JAKMIP3: variants seen among roughly 807,000 people sequenced by gnomAD.
JAKMIP3 encodes the protein Janus kinase and microtubule interacting protein 3.
A neutral mutation model predicts 118.5 loss-of-function variants in JAKMIP3; 58 were observed. The ratio of observed to expected loss-of-function variants is 0.49; its 90% CI spans 0.40 to 0.61. The LOEUF is 0.61. Ranked by LOEUF, JAKMIP3 falls within the 20% of genes least tolerant of loss-of-function variation. The pLI, the probability that JAKMIP3 is intolerant of heterozygous loss-of-function variation, is 0.00. For missense variants in JAKMIP3, 950 were observed against 1,109.0 expected, an observed-to-expected ratio of 0.86 and a Z score of 2.04; for synonymous variants, 486 against 451.2, an observed-to-expected ratio of 1.08 and a Z score of -0.98.
chr10:132,058,618 C>T (rs1303516166), intron 1 of JAKMIP3, among the ~76,000 whole-genome samples: 1 of 152,168 alleles, frequency 6.6e-6, no homozygotes, highest in East Asian at 1.9e-4. Context: ...GAAGATGCTT[C>T]TTAGTATTTT....
chr10:132,113,867 T>C (rs2047229942), intron 2 of JAKMIP3, among the ~76,000 whole-genome samples: 1 of 152,270 alleles, frequency 6.6e-6, no homozygotes, highest in Non-Finnish European at 1.5e-5. Context: ...GTTTCACTTT[T>C]ACAATAAATC....
chr10:132,097,918 C>CTT (rs1249279874), intron 1 of JAKMIP3, among the ~76,000 whole-genome samples: 1,623 of 24,168 alleles, frequency 0.067, 415 homozygotes, highest in East Asian at 0.16. Flanking sequence ...CTTCCCCTTC[C>CTT]CCTTTCCTTC....
At position 132,052,673 on chromosome 10, in the gene JAKMIP3, C is replaced by T. The variant is rs181180012; in HGVS notation, c.-138+15935C>T. 2.5e-4 allele frequency among the ~76,000 whole-genome samples: 38 copies of T among 152,324 alleles called. No homozygotes were observed. In the East Asian group the frequency reaches 3.5e-3, roughly 14 times the overall value. On this transcript the variant is annotated intron_variant, in intron 1 of 23. Coordinates refer to the JAKMIP3 transcript ENST00000657785. ...CTGTTGTCCAATCTGCCACCAAAAG[C>T]GTCCATTGTGCCTTTTGTTTTAATT...
chr10:132,141,949 G>A lies in JAKMIP3; in HGVS notation c.1503G>A (p.Arg501=), dbSNP rs1288255830. ...EGMAKEETEL[R]FRQLTMEYQA... ...TGGCCAAGGAGGAGACGGAGCTGAGGTTCCGGCAGCTGACCATGGAGTACC... is the reference window on the plus strand; with the variant it reads ...TGGCCAAGGAGGAGACGGAGCTGAGATTCCGGCAGCTGACCATGGAGTACC... The change falls in exon 11 of 24, where the codon AGG becomes AGA. Residue 501 remains arginine (R), a synonymous_variant. Transcript: ENST00000684848. 1 of 1,595,872 alleles carries A rather than the reference G, an allele frequency of 6.3e-7. No homozygotes were observed. Among genetic ancestry groups the A allele is most frequent in the East Asian group, 2.3e-5 (1 of 44,048 alleles).
chr10:132,107,630 C>G (rs534592831), intron 2 of JAKMIP3, among the ~76,000 whole-genome samples: 1 of 152,230 alleles, frequency 6.6e-6, no homozygotes, highest in African/African-American at 2.4e-5. Flanking sequence ...CCTCCTCAAG[C>G]GTAACTGACA....
At chr10:132,065,717 C>T (rs1229343376), upstream of JAKMIP3, among the ~76,000 whole-genome samples, 1 of 151,202 alleles carries the variant, frequency 6.6e-6, no homozygotes, top group Non-Finnish European at 1.5e-5. The surrounding 1 kb of genome is among the most constrained non-coding windows in gnomAD (Gnocchi z 5.6). Context: ...TGCAGAGCTG[C>T]GGGCCCCTTC....
chr10:132,113,786 A>G (rs967759820), intron 2 of JAKMIP3, among the ~76,000 whole-genome samples: 3 of 152,248 alleles, frequency 2.0e-5, no homozygotes, highest in African/African-American at 7.2e-5. Context: ...TGAAGTAAGC[A>G]GGGTATGACT....
intron 3 of JAKMIP3, among the ~76,000 whole-genome samples, chr10:132,125,612 T>C (rs528346289): frequency 1.3e-5 from 2 of 152,280 alleles, no homozygotes; most frequent in African/African-American, 4.8e-5. Context: ...TGAACCTTAA[T>C]GAACCTGGTG....
At chr10:132,059,605 C>T (rs551315599) in intron 1 of JAKMIP3, among the ~76,000 whole-genome samples, 81 of 152,336 alleles carry the variant, frequency 5.3e-4, no homozygotes, top group African/African-American at 1.9e-3. Flanking sequence ...CCCCTCAGGG[C>T]ATGCAGCCTC....
At chr10:132,171,590 T>C (rs1457199423) in intron 23 of JAKMIP3, among the ~76,000 whole-genome samples, 3 of 152,122 alleles carry the variant, frequency 2.0e-5, no homozygotes, top group Admixed American at 2.0e-4. Context: ...ACAAATTGTG[T>C]AGAGAGTCCT....
At position 132,125,367 on chromosome 10, in the gene JAKMIP3, G is replaced by T. The variant is rs546548864; in HGVS notation, c.633+7793G>T. On this transcript the variant is annotated intron_variant, in intron 3 of 23. Coordinates refer to ENST00000684848, the MANE Select transcript of JAKMIP3 (RefSeq NM_001323087.2). ...TGAACTGCGATAGCACTTTGGTCGT[G>T]CATCAAGTGAGCCCACAGACGCGGG... Among the ~76,000 whole-genome samples, 5 of 152,394 alleles carry T rather than the reference G, an allele frequency of 3.3e-5. No homozygotes were observed. The South Asian group carries it at 1.0e-3, about 32-fold the overall frequency.
In JAKMIP3 at chr10:132,142,999, C is replaced by T. The variant is rs557505102; in HGVS notation, c.1602+951C>T. Among the ~76,000 whole-genome samples, 5 of 152,250 alleles carry T rather than the reference C, an allele frequency of 3.3e-5. No homozygotes were observed. In the South Asian group the frequency reaches 6.2e-4, roughly 19 times the overall value. ...GGTCCACGCTAGTGCCCCAGGGAGC[C>T]GCCAGCCTCATCCTCTGTCCACCCA... is the stretch of plus-strand genomic sequence containing the variant. On this transcript the variant is annotated intron_variant, in intron 11 of 23. Coordinates refer to ENST00000684848, the MANE Select transcript of JAKMIP3 (RefSeq NM_001323087.2).
chr10:132,139,071 T>TGTGTATGTGTGTGTGAGTGC (rs2052540519), intron 9 of JAKMIP3, among the ~76,000 whole-genome samples: 3 of 145,088 alleles, frequency 2.1e-5, no homozygotes, highest in Non-Finnish European at 3.0e-5. Context: ...TGTGTGTGTA[T>TGTGTATGTGTGTGTGAGTGC]GTGTATGTGT....
chr10:132,158,009 G>C (rs987880625), intron 19 of JAKMIP3, among the ~76,000 whole-genome samples: 1 of 152,092 alleles, frequency 6.6e-6, no homozygotes, highest in Non-Finnish European at 1.5e-5. Flanking sequence ...TTACTTTGAG[G>C]TGTGTGTGAG....
intron 1 of JAKMIP3, among the ~76,000 whole-genome samples, chr10:132,096,703 C>T (rs1564891020): frequency 6.6e-6 from 1 of 152,180 alleles, no homozygotes; most frequent in South Asian, 2.1e-4. Context: ...ATACTTTTCC[C>T]TGCTCCCCCA....
At chr10:132,086,561 T>A (rs1180227898) in intron 1 of JAKMIP3, among the ~76,000 whole-genome samples, 5 of 152,226 alleles carry the variant, frequency 3.3e-5, no homozygotes, top group African/African-American at 1.2e-4. Context: ...GCATATATAA[T>A]TAGGGTTGTG....
At position 132,150,026 on chromosome 10, in the gene JAKMIP3, C is replaced by T. The variant is rs531685738; in HGVS notation, c.1992C>T (p.Gly664=). 25 of 1,593,404 alleles carry T rather than the reference C, an allele frequency of 1.6e-5. No individual in the cohort carries two copies. Among genetic ancestry groups the T allele is most frequent in the Middle Eastern group, 1.7e-4 (1 of 6,016 alleles). ...TGATGAAGAAGCTGGACATCCTGGG[C>T]GATAACGCCGTAAGTGTATGTCGCT... The part of the protein sequence containing the change: ...AELMKKLDIL[G]DNAVSNLTNE... The change falls in exon 16 of 24, where the codon GGC becomes GGT. Residue 664 remains glycine (G), a synonymous_variant. Transcript: ENST00000684848.
chr10:132,105,051 C>A (rs570546259), intron 2 of JAKMIP3, 108 bp downstream of exon 2: 4 of 1,322,618 alleles, frequency 3.0e-6, no homozygotes, highest in South Asian at 2.8e-5. Context: ...TGGAAACCCC[C>A]ACCCAGTCCT....
At chr10:132,167,147 G>C in intron 22 of JAKMIP3, 92 bp downstream of exon 22, 2 of 873,974 alleles carry the variant, frequency 2.3e-6, no homozygotes, top group South Asian at 3.1e-5. Context: ...TTGCCCACCT[G>C]CCATTCGATC....
Sources: allele counts gnomAD v4.1 joint callset (sites outside exome capture counted in the v4.1 genomes callset), GRCh38; gene constraint gnomAD v4.1.1; non-coding constraint Gnocchi (gnomAD v3.1); transcripts MANE v1.5; gene names NCBI Gene and HGNC (gene_info 2026-07-23, HGNC 2026-07-21).